MAML2: variants seen among roughly 807,000 people sequenced by gnomAD.
MAML2 encodes the protein mastermind-like protein 2.
Under a neutral mutation model 96.1 loss-of-function variants are expected in MAML2, and 22 were observed. The ratio of observed to expected loss-of-function variants is 0.23; its 90% CI spans 0.16 to 0.33. MAML2 has a LOEUF of 0.33. Among genes scored for constraint, MAML2 ranks in the 10% least tolerant of loss-of-function variants. MAML2 has a pLI of 1.00. For synonymous variants in MAML2, 561 were observed against 521.3 expected (o/e 1.08, Z -1.04); for missense variants, 1,367 against 1,392.4 (o/e 0.98, Z 0.29).
At chr11:96,236,922 C>A (rs1333076022) in intron 1 of MAML2, among the ~76,000 whole-genome samples, 1 of 152,170 alleles carries the variant, frequency 6.6e-6, no homozygotes, top group African/African-American at 2.4e-5. Flanking sequence ...CTAGTGAGTG[C>A]CATCTATCAT....
chr11:96,084,626 G>A (rs1404843148), intron 2 of MAML2, among the ~76,000 whole-genome samples: 1 of 152,182 alleles, frequency 6.6e-6, no homozygotes, highest in Non-Finnish European at 1.5e-5. Flanking sequence ...TCTTAAGTCA[G>A]TCAGGGCAAA....
Position 95,991,672 on chromosome 11 carries a change from G to T in MAML2, c.2191C>A (p.Pro731Thr). 1 of 1,613,692 alleles carries T rather than the reference G, an allele frequency of 6.2e-7. No individual in the cohort carries two copies. The highest frequency in any genetic ancestry group is 1.3e-5 in the African/African-American group (1 of 75,002). The change falls in exon 3 of 5, where the codon CCC becomes ACC. Residue 731 changes from proline (P) to threonine (T), a missense_variant. Pro to Thr is a conservative substitution (Grantham distance 38). Coordinates refer to ENST00000524717, the MANE Select transcript of MAML2 (RefSeq NM_032427.4). ...CTTCCAGTGTTTGGATTTGAGCAGG[G>T]GTTAGGACTTGGACTGGGGCCTGTG... Reference protein sequence around the residue: ...QNTGPSPSPNPCSNPNTGSGY... With the variant: ...QNTGPSPSPNTCSNPNTGSGY...
intron 1 of MAML2, among the ~76,000 whole-genome samples, chr11:96,111,974 T>C (rs1286590308): frequency 6.6e-6 from 1 of 151,832 alleles, no homozygotes. Flanking sequence ...AAAGTTGCTA[T>C]AGTAACAATC....
chr11:96,016,055 C>T (rs1030500195), intron 2 of MAML2, among the ~76,000 whole-genome samples: 7 of 152,058 alleles, frequency 4.6e-5, no homozygotes, highest in Non-Finnish European at 1.0e-4. Flanking sequence ...CTTCTAAAGT[C>T]CTTTTGTTCA....
At chr11:96,022,257 C>A (rs537233196) in intron 2 of MAML2, among the ~76,000 whole-genome samples, 1 of 152,192 alleles carries the variant, frequency 6.6e-6, no homozygotes, top group African/African-American at 2.4e-5. Context: ...TGATCTCCAT[C>A]GCTAGCTCCC....
chr11:96,129,740 G>C (rs1224342321), intron 1 of MAML2, among the ~76,000 whole-genome samples: 1 of 152,194 alleles, frequency 6.6e-6, no homozygotes, highest in Non-Finnish European at 1.5e-5. Flanking sequence ...AGTGAACACA[G>C]TACTCAACAG....
At position 96,220,112 on chromosome 11, in the gene MAML2, C is replaced by T. The variant is rs548962207; in HGVS notation, c.513+121271G>A. 2.0e-5 allele frequency among the ~76,000 whole-genome samples: 3 copies of T among 152,160 alleles called. No homozygotes were observed. In the East Asian group the frequency reaches 5.8e-4, roughly 29 times the overall value. ...CTTTTAATCTCCCACAGTGTCCATG[C>T]GTTATCAGGCCCTACGTGAATTGAT... is the stretch of plus-strand genomic sequence containing the variant. On this transcript the variant is annotated intron_variant, in intron 1 of 4. Transcript: ENST00000524717.
chr11:96,160,479 G>A (rs1861086250), intron 1 of MAML2, among the ~76,000 whole-genome samples: 1 of 150,886 alleles, frequency 6.6e-6, no homozygotes, highest in East Asian at 2.0e-4. Flanking sequence ...CCAGGCTGGA[G>A]TGCAATGGCA....
At chr11:96,110,537 G>A (rs1029143986) in intron 1 of MAML2, among the ~76,000 whole-genome samples, 5 of 152,152 alleles carry the variant, frequency 3.3e-5, no homozygotes, top group Admixed American at 3.3e-4. Context: ...AGCTAAACAG[G>A]TTGTATGTAA....
rs564031338 is a variant in MAML2, at chr11:96,251,340, T to C, written c.513+90043A>G. Among the ~76,000 whole-genome samples the C allele has an allele frequency of 4.6e-5, 7 of 152,394 alleles. No individual in the cohort carries two copies. In the South Asian group the frequency reaches 1.4e-3, roughly 32 times the overall value. On this transcript the variant is annotated intron_variant, in intron 1 of 4. Coordinates refer to ENST00000524717, the MANE Select transcript of MAML2 (RefSeq NM_032427.4). ...TATGAATCACACATGATTGGTGATCTACGGTACCATTTTTTTTCTCTAAGG... is the reference window on the plus strand; with the variant it reads ...TATGAATCACACATGATTGGTGATCCACGGTACCATTTTTTTTCTCTAAGG...
intron 1 of MAML2, among the ~76,000 whole-genome samples, chr11:96,166,057 A>T (rs1397767939): frequency 6.6e-6 from 1 of 151,990 alleles, no homozygotes; most frequent in African/African-American, 2.4e-5. Flanking sequence ...TACAATTCTC[A>T]TTGAATGCCA....
At chr11:96,091,790 G>T in intron 2 of MAML2, 102 bp downstream of exon 2, 1 of 1,459,558 alleles carries the variant, frequency 6.9e-7, no homozygotes. Flanking sequence ...TACTGTCTTT[G>T]GTCTTGATCT....
chr11:95,979,867 G>C lies in MAML2; in HGVS notation c.2552C>G (p.Thr851Ser). 6.2e-7 allele frequency: 1 copy of C among 1,613,926 alleles called. No individual in the cohort carries two copies. Among genetic ancestry groups the C allele is most frequent in the South Asian group, 1.1e-5 (1 of 91,078 alleles). ...TGATGGCATTCTTGTCCCGTGAGAA[G>C]TAGACAGGAGGCTGGAATTGGGAGT... ...ILTPNSSLLS[T>S]SHGTRMPSLS... The change falls in exon 5 of 5, where the codon ACT becomes AGT. Residue 851 changes from threonine (T) to serine (S), a missense_variant. Coordinates refer to ENST00000524717, the MANE Select transcript of MAML2 (RefSeq NM_032427.4).
At chr11:96,070,158 C>T (rs554395689) in intron 2 of MAML2, among the ~76,000 whole-genome samples, 7 of 151,610 alleles carry the variant, frequency 4.6e-5, no homozygotes, top group South Asian at 4.2e-4. Flanking sequence ...GGCGTGGTGG[C>T]GGGCGCCTGT....
At chr11:96,274,637 T>G (rs61901928) in intron 1 of MAML2, among the ~76,000 whole-genome samples, 1,744 of 149,560 alleles carry the variant, frequency 0.012, 22 homozygotes, top group Non-Finnish European at 0.014. Context: ...ATTAATTAAT[T>G]AAACTATTAC....
chr11:96,023,369 A>G (rs1253432157), intron 2 of MAML2, among the ~76,000 whole-genome samples: 2 of 152,074 alleles, frequency 1.3e-5, no homozygotes, highest in South Asian at 2.1e-4. Flanking sequence ...TTTTTCTTAT[A>G]TTAATTCCCA....
chr11:96,255,825 T>A (rs1355108443), intron 1 of MAML2, among the ~76,000 whole-genome samples: 2 of 151,314 alleles, frequency 1.3e-5, no homozygotes, highest in East Asian at 3.9e-4. Flanking sequence ...TTGCTTATTG[T>A]CGGACTTTTT....
At chr11:96,312,968 G>A (rs1376160685) in intron 1 of MAML2, among the ~76,000 whole-genome samples, 1 of 152,192 alleles carries the variant, frequency 6.6e-6, no homozygotes, top group Admixed American at 6.5e-5. Context: ...TCATTGGGAA[G>A]ACAACTATAT....
At chr11:96,223,045 G>A (rs993513577) in intron 1 of MAML2, among the ~76,000 whole-genome samples, 7 of 151,976 alleles carry the variant, frequency 4.6e-5, no homozygotes, top group African/African-American at 1.7e-4. Context: ...CATTTTTGAT[G>A]AAAATAAATT....
Sources: allele counts gnomAD v4.1 joint callset (sites outside exome capture counted in the v4.1 genomes callset), GRCh38; gene constraint gnomAD v4.1.1; transcripts MANE v1.5; gene names NCBI Gene and HGNC (gene_info 2026-07-23, HGNC 2026-07-21).